The following ADAMTSL1 variants were observed in gnomAD, a reference collection of about 807,000 sequenced individuals.
ADAMTSL1 encodes the protein ADAMTS like 1.
In ADAMTSL1, 126 loss-of-function variants were observed where a neutral mutation model predicts 201.8. That is an observed-to-expected ratio of 0.62 (90% CI 0.54 to 0.72). The LOEUF (loss-of-function observed/expected upper bound fraction) is 0.72, where lower values mean the gene tolerates loss of function less well. Ranked by LOEUF, ADAMTSL1 falls within the 30% of genes least tolerant of loss-of-function variation. ADAMTSL1 has a pLI of 0.00. For synonymous variants in ADAMTSL1, 1,121 were observed against 903.4 expected (o/e 1.24, Z -4.32); for missense variants, 2,679 against 2,277.8 (o/e 1.18, Z -3.59).
chr9:17,977,474 C>T lies in ADAMTSL1; in HGVS notation c.87+70552C>T, dbSNP rs897719972. Among the ~76,000 whole-genome samples, 21 of 152,146 alleles carry T rather than the reference C, an allele frequency of 1.4e-4. No individual in the cohort carries two copies. The East Asian group carries it at 3.5e-3, about 25-fold the overall frequency. ...TGATTATTGATTCAATCTCCTTACT[C>T]ATTATTGGTTTGTTCAGATGATCTA... On this transcript the variant is annotated intron_variant, in intron 1 of 29. Transcript: ENST00000680146.
At chr9:18,631,727 G>A (rs1255522635) in intron 5 of ADAMTSL1, among the ~76,000 whole-genome samples, 2 of 152,290 alleles carry the variant, frequency 1.3e-5, no homozygotes, top group African/African-American at 4.8e-5. Flanking sequence ...ATAGAAAGTT[G>A]TGTGATATAC....
intron 1 of ADAMTSL1, among the ~76,000 whole-genome samples, chr9:18,081,921 C>T (rs1316260247): frequency 1.3e-5 from 2 of 152,108 alleles, no homozygotes; most frequent in South Asian, 2.1e-4. Flanking sequence ...ATTTTATATG[C>T]ACTTATGATG....
intron 10 of ADAMTSL1, among the ~76,000 whole-genome samples, chr9:18,676,781 C>T (rs933740787): frequency 7.2e-5 from 11 of 152,026 alleles, no homozygotes; most frequent in African/African-American, 2.4e-4. Flanking sequence ...TCCACAGCAG[C>T]CTGCTCCATC....
At chr9:17,984,759 C>A (rs1476580749) in intron 1 of ADAMTSL1, among the ~76,000 whole-genome samples, 2 of 152,092 alleles carry the variant, frequency 1.3e-5, no homozygotes, top group Non-Finnish European at 2.9e-5. Flanking sequence ...ATTTTCCGAT[C>A]ATTTAGACCT....
intron 4 of ADAMTSL1, among the ~76,000 whole-genome samples, chr9:18,588,329 T>C (rs1047107962): frequency 4.6e-5 from 7 of 151,962 alleles, no homozygotes; most frequent in African/African-American, 1.7e-4. Flanking sequence ...TTTTCTTTGC[T>C]CTTGAGTTGA....
chr9:18,801,083 C>T (rs1822768155), intron 20 of ADAMTSL1, among the ~76,000 whole-genome samples: 1 of 152,164 alleles, frequency 6.6e-6, no homozygotes, highest in African/African-American at 2.4e-5. Context: ...CTAAGCCCTA[C>T]CTACTTCCTC....
At chr9:18,637,191 G>A (rs933620822) in intron 6 of ADAMTSL1, among the ~76,000 whole-genome samples, 1 of 152,104 alleles carries the variant, frequency 6.6e-6, no homozygotes, top group Non-Finnish European at 1.5e-5. Context: ...ATTCAAGTTT[G>A]TTTCTAATCC....
Position 18,704,117 on chromosome 9 carries a change from G to T in ADAMTSL1, c.1575-2630G>T, listed in dbSNP as rs73435516. 7.6e-3 allele frequency among the ~76,000 whole-genome samples: 1,151 copies of T among 152,176 alleles called. 12 individuals are homozygous for T. Among genetic ancestry groups the T allele is most frequent in the African/African-American group, 0.027 (1,100 of 41,502 alleles). ...CTATAGCAGGGGTTGGAAAACTACA[G>T]TCCACAGGCCAAATCCAGACCCTTC... On this transcript the variant is annotated intron_variant, in intron 13 of 28. Transcript: ENST00000380548.
At chr9:18,269,366 G>A (rs1237766307) in intron 2 of ADAMTSL1, among the ~76,000 whole-genome samples, 1 of 152,078 alleles carries the variant, frequency 6.6e-6, no homozygotes, top group East Asian at 1.9e-4. Context: ...TAACATTGTA[G>A]GACCCATCTG....
chr9:18,884,674 G>A (rs1230592968), intron 23 of ADAMTSL1, among the ~76,000 whole-genome samples: 1 of 152,050 alleles, frequency 6.6e-6, no homozygotes, highest in African/African-American at 2.4e-5. Context: ...CCATTGAATG[G>A]TCTTAGCAAC....
intron 1 of ADAMTSL1, among the ~76,000 whole-genome samples, chr9:18,154,352 C>G (rs574079033): frequency 1.3e-5 from 2 of 152,036 alleles, no homozygotes; most frequent in Non-Finnish European, 2.9e-5. Context: ...TGGGGCTGCA[C>G]TCTTTGGAGA....
intron 12 of ADAMTSL1, among the ~76,000 whole-genome samples, chr9:18,684,169 C>T (rs879453921): frequency 6.6e-6 from 1 of 152,120 alleles, no homozygotes; most frequent in Admixed American, 6.5e-5. Context: ...CTCATTTGCA[C>T]ATATTCCAAT....
intron 1 of ADAMTSL1, among the ~76,000 whole-genome samples, chr9:17,936,400 G>A (rs1451674096): frequency 6.6e-6 from 1 of 152,174 alleles, no homozygotes; most frequent in Non-Finnish European, 1.5e-5. Flanking sequence ...ACTGGTGACA[G>A]GGGCCATAGT....
chr9:18,612,560 C>A (rs1253424648), intron 4 of ADAMTSL1, among the ~76,000 whole-genome samples: 1 of 152,054 alleles, frequency 6.6e-6, no homozygotes, highest in Non-Finnish European at 1.5e-5. Flanking sequence ...GAATAGAGAA[C>A]CCAGAAATAA....
intron 2 of ADAMTSL1, among the ~76,000 whole-genome samples, chr9:18,315,049 G>A (rs1219881506): frequency 6.6e-6 from 1 of 151,840 alleles, no homozygotes; most frequent in East Asian, 2.0e-4. Context: ...GCCCGCCTCG[G>A]CCTCCCAAAG....
chr9:18,742,606 A>G (rs934154901), intron 15 of ADAMTSL1, among the ~76,000 whole-genome samples: 6 of 152,198 alleles, frequency 3.9e-5, no homozygotes, highest in Admixed American at 3.9e-4. Flanking sequence ...GGCTTGAATC[A>G]GTCCTTGATC....
intron 2 of ADAMTSL1, among the ~76,000 whole-genome samples, chr9:18,379,586 C>A (rs75816368): frequency 2.6e-4 from 40 of 152,234 alleles, no homozygotes; most frequent in African/African-American, 8.9e-4. Context: ...TGGGAATGAG[C>A]TGAAGGACCA....
intron 2 of ADAMTSL1, among the ~76,000 whole-genome samples, chr9:18,435,614 AC>A (rs1297467462): frequency 1.3e-5 from 2 of 152,132 alleles, no homozygotes; most frequent in African/African-American, 2.4e-5. Context: ...AGTGAACTGG[AC>A]CTTTGAAGAG....
intron 19 of ADAMTSL1, among the ~76,000 whole-genome samples, chr9:18,779,975 T>A (rs1821289594): frequency 6.6e-6 from 1 of 152,200 alleles, no homozygotes; most frequent in South Asian, 2.1e-4. Context: ...GAAATTAACA[T>A]CTTCCTACTT....
Sources: allele counts gnomAD v4.1 joint callset (sites outside exome capture counted in the v4.1 genomes callset), GRCh38; gene constraint gnomAD v4.1.1; transcripts MANE v1.5; gene names NCBI Gene and HGNC (gene_info 2026-07-23, HGNC 2026-07-21).